ANKRD28: variants seen among roughly 807,000 people sequenced by gnomAD.
The protein encoded by ANKRD28 is serine/threonine-protein phosphatase 6 regulatory ankyrin repeat subunit A.
Under a neutral mutation model 126.5 loss-of-function variants are expected in ANKRD28, and 44 were observed. The observed-to-expected ratio is 0.35, with a 90% CI of 0.27 to 0.45. The LOEUF is 0.45. ANKRD28 is among the 20% of genes least tolerant of loss of function. ANKRD28 has a pLI of 1.00. For synonymous variants in ANKRD28, 442 were observed against 468.5 expected, an observed-to-expected ratio of 0.94 and a Z score of 0.73; for missense variants, 1,110 against 1,316.6, an observed-to-expected ratio of 0.84 and a Z score of 2.43.
chr3:15,703,278 AAAAT>A (rs2070883180), intron 14 of ANKRD28, among the ~76,000 whole-genome samples: 1 of 152,246 alleles, frequency 6.6e-6, no homozygotes, highest in South Asian at 2.1e-4. Flanking sequence ...AAAACAGACA[AAAAT>A]AAACTGCCAT....
intron 1 of ANKRD28, among the ~76,000 whole-genome samples, chr3:15,818,405 T>C (rs908193796): frequency 2.6e-5 from 4 of 152,212 alleles, no homozygotes; most frequent in Non-Finnish European, 5.9e-5. Flanking sequence ...TACCTTTGGG[T>C]TACACGTATA....
intron 6 of ANKRD28, chr3:15,733,567 G>T (rs2074806043): frequency 6.6e-6 from 1 of 151,914 alleles, no homozygotes. Context: ...CTATTCTTCG[G>T]TGATAATATT....
chr3:15,717,245 C>T (rs1398157973), intron 8 of ANKRD28, among the ~76,000 whole-genome samples: 6 of 152,078 alleles, frequency 3.9e-5, no homozygotes, highest in Admixed American at 3.9e-4. Flanking sequence ...CCGAAGGTAG[C>T]TGGGACTAAA....
intron 14 of ANKRD28, among the ~76,000 whole-genome samples, chr3:15,702,950 C>T (rs906515002): frequency 1.3e-5 from 2 of 151,998 alleles, no homozygotes; most frequent in Admixed American, 6.6e-5. Context: ...TCTACATAGT[C>T]GTGACAGAGT....
intron 1 of ANKRD28, among the ~76,000 whole-genome samples, chr3:15,835,499 C>T (rs899164357): frequency 2.0e-5 from 3 of 152,212 alleles, no homozygotes; most frequent in African/African-American, 7.2e-5. Context: ...CTTGTTGCTG[C>T]CATCTCTAAA....
intron 2 of ANKRD28, among the ~76,000 whole-genome samples, chr3:15,766,851 T>A (rs572625679): frequency 6.6e-6 from 1 of 152,286 alleles, no homozygotes; most frequent in Non-Finnish European, 1.5e-5. Flanking sequence ...CTTGTGCTGC[T>A]GATATATATA....
chr3:15,828,065 G>A (rs1395604002), intron 1 of ANKRD28, among the ~76,000 whole-genome samples: 1 of 152,040 alleles, frequency 6.6e-6, no homozygotes, highest in Non-Finnish European at 1.5e-5. Context: ...TTGTTAGTAG[G>A]TACTATGGAA....
At chr3:15,685,501 A>G (rs3817082) in intron 20 of ANKRD28, 56 bp from the exon 21 acceptor site, 181,284 of 1,520,632 alleles carry the variant, frequency 0.12, 18,103 homozygotes, top group East Asian at 0.55. Flanking sequence ...ATTACATGCC[A>G]ATTTCAGCTA....
rs1173503922 is a variant in ANKRD28, at chr3:15,667,922, T to G, written c.*2348A>C. 1 of 152,212 alleles carries G rather than the reference T, an allele frequency of 6.6e-6. No homozygotes were observed. The highest frequency in any genetic ancestry group is 1.5e-5 in the Non-Finnish European group (1 of 68,036). 9.4% of individuals were successfully genotyped at this position (152,212 alleles called of 1,614,324 possible). On this transcript the variant is annotated 3_prime_UTR_variant, in exon 28 of 28. Transcript: ENST00000683139. ...TCATTAGATGTGGTAAATCTAATAG[T>G]GTGTCAAATGAGTCCTTCTGGAAAT...
Position 15,679,402 on chromosome 3 carries a change from G to A in ANKRD28, c.2478-18C>T, listed in dbSNP as rs774726430. ...CATTTATCCTGTGTAAGGTAACAAG[G>A]TGATCATTCTCACAGCAATGGTGTA... On this transcript the variant is annotated intron_variant, in intron 22 of 27. Transcript: ENST00000683139. The A allele has an allele frequency of 6.2e-6, 10 of 1,613,482 alleles. No individual in the cohort carries two copies. The highest frequency in any genetic ancestry group is 5.9e-6 in the Non-Finnish European group (7 of 1,179,448).
At position 15,797,210 on chromosome 3, in the gene ANKRD28, A is replaced by AC. The variant is rs1491196706; in HGVS notation, c.-690_-689insG. The AC allele has an allele frequency of 6.2e-4, 334 of 539,128 alleles. No individual in the cohort carries two copies. Among genetic ancestry groups the AC allele is most frequent in the Admixed American group, 5.6e-3 (22 of 3,926 alleles). The allele number at this position is 539,128 out of a possible 1,614,324, so 33.4% of individuals were successfully genotyped here. A position where few individuals can be genotyped will look rare whatever the true frequency, so the allele number is the denominator to read the frequency against. ...TGGGAAAGGGGCAAAAAACAAAAAC[A>AC]AAAAAAAAAAAACCACTCTGCATTA... is the stretch of plus-strand genomic sequence containing the variant. On this transcript the variant is annotated 5_prime_UTR_variant, in exon 1 of 28. The change abolishes the stop of an existing upstream ORF in the 5' untranslated region. Coordinates refer to ENST00000683139, the MANE Select transcript of ANKRD28 (RefSeq NM_001349278.2).
At position 15,796,907 on chromosome 3, in the gene ANKRD28, A is replaced by G; in HGVS notation, c.-386T>C. The G allele has an allele frequency of 1.0e-6, 1 of 987,500 alleles. No individual in the cohort carries two copies. The highest frequency in any genetic ancestry group is 1.7e-5 in the African/African-American group (1 of 57,368). 61.2% of individuals were successfully genotyped at this position (987,500 alleles called of 1,614,324 possible). A position where few individuals can be genotyped will look rare whatever the true frequency, so the allele number is the denominator to read the frequency against. ...CAAAACAATCATTGTTTTTGGTGAC[A>G]CAACACCACACAATATAGAATGAAA... On this transcript the variant is annotated 5_prime_UTR_variant, in exon 1 of 28. Coordinates refer to ENST00000683139, the MANE Select transcript of ANKRD28 (RefSeq NM_001349278.2).
chr3:15,808,115 C>T (rs2060627608), intron 1 of ANKRD28, among the ~76,000 whole-genome samples: 1 of 152,144 alleles, frequency 6.6e-6, no homozygotes, highest in Non-Finnish European at 1.5e-5. Flanking sequence ...TGGATTCTAA[C>T]CCAGACCCAT....
At chr3:15,758,615 A>G (rs1362748687) in intron 3 of ANKRD28, among the ~76,000 whole-genome samples, 1 of 152,184 alleles carries the variant, frequency 6.6e-6, no homozygotes, top group Non-Finnish European at 1.5e-5. Context: ...GAAGACAGCG[A>G]TTTTGCAAGC....
chr3:15,711,047 T>C (rs1229665045), intron 12 of ANKRD28, among the ~76,000 whole-genome samples, 164 bp downstream of exon 12: 2 of 152,228 alleles, frequency 1.3e-5, no homozygotes, highest in African/African-American at 2.4e-5. Context: ...TGGAATAAGA[T>C]GAAAAAAAGT....
chr3:15,685,230 G>A lies in ANKRD28; in HGVS notation c.2385C>T (p.Tyr795=). Residue 795 remains tyrosine, a synonymous_variant, in exon 21 of 28, where the codon TAC becomes TAT. Transcript: ENST00000683139. ...HGYTALHWAC[Y]NGHETCVELL... is the part of the protein sequence containing the mutation. ...ATTTGTGTTTGTATACTTAACCATTGTAGCAAGCCCAGTGAAGTGCCGTAT... is the reference window on the plus strand; with the variant it reads ...ATTTGTGTTTGTATACTTAACCATTATAGCAAGCCCAGTGAAGTGCCGTAT... 3 of 1,613,752 alleles carry A rather than the reference G, an allele frequency of 1.9e-6. No homozygotes were observed. Among genetic ancestry groups the A allele is most frequent in the Non-Finnish European group, 2.5e-6 (3 of 1,179,750 alleles).
Position 15,815,913 on chromosome 3 carries a change from T to A in ANKRD28, c.28-20607A>T, listed in dbSNP as rs1373274526. ...TGGTGGCAGCAAATACCAAAGAAAA[T>A]TAATTTCTTGAGTACGTCCATTTAA... On this transcript the variant is annotated intron_variant, in intron 1 of 27. Coordinates refer to the ANKRD28 transcript ENST00000399451. The surrounding 1 kb of genome is among the most constrained non-coding windows in gnomAD (Gnocchi z 4.1). 6.6e-6 allele frequency among the ~76,000 whole-genome samples: 1 copy of A among 152,036 alleles called. No individual in the cohort carries two copies. The highest frequency in any genetic ancestry group is 1.5e-5 in the Non-Finnish European group (1 of 68,020).
chr3:15,838,738 A>C lies in ANKRD28; in HGVS notation c.27+20639T>G. On this transcript the variant is annotated intron_variant, in intron 1 of 27. Transcript: ENST00000399451. This position sits in a 1 kb window ranked among gnomAD's most constrained non-coding sequence, Gnocchi z 4.0. ...ACTCCAGCCTGGGCAACAAGAACGA[A>C]ACTCCGTCTCAAAAAAAAAAAAAAA... 7.4e-6 allele frequency among the ~76,000 whole-genome samples: 1 copy of C among 135,436 alleles called. No homozygotes were observed. Among genetic ancestry groups the C allele is most frequent in the Non-Finnish European group, 1.7e-5 (1 of 59,254 alleles). 88.9% of individuals were successfully genotyped at this position (135,436 alleles called of 152,430 possible). A position where few individuals can be genotyped will look rare whatever the true frequency, so the allele number is the denominator to read the frequency against.
intron 21 of ANKRD28, among the ~76,000 whole-genome samples, chr3:15,681,988 C>T (rs1319520540): frequency 1.3e-5 from 2 of 152,004 alleles, no homozygotes; most frequent in African/African-American, 2.4e-5. Context: ...TAAGATACAG[C>T]AATGGAAAGT....
Sources: allele counts gnomAD v4.1 joint callset (sites outside exome capture counted in the v4.1 genomes callset), GRCh38; gene constraint gnomAD v4.1.1; non-coding constraint Gnocchi (gnomAD v3.1); transcripts MANE v1.5; gene names NCBI Gene and HGNC (gene_info 2026-07-23, HGNC 2026-07-21).